COL5A1: variants seen among roughly 807,000 people sequenced by gnomAD.
COL5A1 encodes the protein collagen alpha-1(V) chain.
COL5A1 carries 16 observed loss-of-function variants against 263.7 expected under a neutral mutation model. The ratio of observed to expected loss-of-function variants is 0.06; its 90% CI spans 0.04 to 0.09. The LOEUF is 0.09. Among genes scored for constraint, COL5A1 ranks in the 10% least tolerant of loss-of-function variants. The probability of loss-of-function intolerance (pLI) is 1.00; values close to 1 mark genes in which losing one functional copy is unlikely to be tolerated. For synonymous variants in COL5A1, 1,012 were observed against 1,004.5 expected, an observed-to-expected ratio of 1.01 and a Z score of -0.14; for missense variants, 2,036 against 2,540.5, an observed-to-expected ratio of 0.80 and a Z score of 4.27.
At chr9:134,791,409 A>G (rs1303472909) in intron 32 of COL5A1, among the ~76,000 whole-genome samples, 1 of 152,180 alleles carries the variant, frequency 6.6e-6, no homozygotes, top group African/African-American at 2.4e-5. Flanking sequence ...CAGGACACTG[A>G]GCACAGCCTT....
chr9:134,724,922 C>T (rs1189300392), intron 4 of COL5A1, among the ~76,000 whole-genome samples: 2 of 152,060 alleles, frequency 1.3e-5, no homozygotes, highest in Admixed American at 6.6e-5. Context: ...TCGGATGAAC[C>T]GTGGAGAACT....
intron 60 of COL5A1, 55 bp downstream of exon 60, chr9:134,823,088 G>T (rs1452128107): frequency 6.3e-7 from 1 of 1,590,008 alleles, no homozygotes; most frequent in Non-Finnish European, 8.6e-7. Context: ...GGAGGGCGAC[G>T]GGTCCCCTGG....
At chr9:134,756,215 G>A (rs1294302247) in intron 16 of COL5A1, among the ~76,000 whole-genome samples, 3 of 152,294 alleles carry the variant, frequency 2.0e-5, no homozygotes, top group East Asian at 1.9e-4. Context: ...CAGGAACAGG[G>A]CATCTGCTCA....
intron 32 of COL5A1, among the ~76,000 whole-genome samples, chr9:134,792,892 C>T (rs561297028): frequency 6.0e-4 from 18 of 30,028 alleles, no homozygotes; most frequent in African/African-American, 1.2e-3. Flanking sequence ...CGTGTGTGTG[C>T]GCGCGTGTGT....
intron 34 of COL5A1, 84 bp from the exon 35 acceptor site, chr9:134,796,290 C>T (rs781701061): frequency 3.0e-5 from 44 of 1,456,110 alleles, no homozygotes; most frequent in African/African-American, 4.2e-5. Context: ...TTGACTCAGA[C>T]GTTTTGATGA....
At chr9:134,836,412 A>C (rs1383241867) in intron 65 of COL5A1, among the ~76,000 whole-genome samples, 1 of 152,138 alleles carries the variant, frequency 6.6e-6, no homozygotes, top group Non-Finnish European at 1.5e-5. Flanking sequence ...GACGCCTCCC[A>C]CCAGGCCCAC....
intron 18 of COL5A1, among the ~76,000 whole-genome samples, chr9:134,759,765 G>C (rs1422894602): frequency 6.2e-4 from 23 of 36,880 alleles, no homozygotes; most frequent in African/African-American, 3.5e-3. Context: ...ACACACCCAC[G>C]CACCCCCACA....
At chr9:134,734,744 C>A (rs1054052973) in intron 9 of COL5A1, among the ~76,000 whole-genome samples, 2 of 152,220 alleles carry the variant, frequency 1.3e-5, no homozygotes, top group African/African-American at 4.8e-5. Flanking sequence ...AGCCCCCAGA[C>A]TCAGTGGCTG....
chr9:134,772,709 G>T, intron 25 of COL5A1, 81 bp from the exon 26 acceptor site: 2 of 1,389,470 alleles, frequency 1.4e-6, no homozygotes, highest in Non-Finnish European at 2.1e-6. Context: ...CATGATCATG[G>T]ATGCTACGCA....
At chr9:134,655,185 G>C (rs1831915538) in intron 1 of COL5A1, among the ~76,000 whole-genome samples, 1 of 151,704 alleles carries the variant, frequency 6.6e-6, no homozygotes, top group Non-Finnish European at 1.5e-5. Context: ...GGGGTTTGTA[G>C]GGCTGGGGTT....
rs114582516 is a variant in COL5A1 at position 134,651,927 on chromosome 9, C to G, written c.109+9631C>G. Among the ~76,000 whole-genome samples, 4 of 152,292 alleles carry G rather than the reference C, an allele frequency of 2.6e-5. No homozygotes were observed. In the South Asian group the frequency reaches 8.3e-4, roughly 32 times the overall value. On this transcript the variant is annotated intron_variant, in intron 1 of 65. Coordinates refer to ENST00000371817, the MANE Select transcript of COL5A1 (RefSeq NM_000093.5). Reference sequence around the variant, plus strand: ...CTTCCTGTGCTATTTCTCTGCTCTTCCCCTGGGGAAAGGAGAGTGAGGAGA... The same window carrying G: ...CTTCCTGTGCTATTTCTCTGCTCTTGCCCTGGGGAAAGGAGAGTGAGGAGA...
rs762810181 is a variant in COL5A1, at chr9:134,802,963, C to T, written c.3082C>T (p.Leu1028Phe). Residue 1028 changes from leucine to phenylalanine, a missense_variant, in exon 39 of 66, where the codon CTT (leucine) becomes TTT (phenylalanine). Physicochemically the swap from Leu to Phe is conservative, Grantham distance 22. Transcript: ENST00000371817. ...CCCTGGACCCCCCGGTGAACAGGGG[C>T]TTCCGGGCCTTGCTGGAAAAGAAGG... Reference protein sequence around the residue: ...GPPGPPGEQGLPGLAGKEGTK... With the variant: ...GPPGPPGEQGFPGLAGKEGTK... 3.1e-6 allele frequency: 5 copies of T among 1,608,942 alleles called. No individual in the cohort carries two copies. The highest frequency in any genetic ancestry group is 2.5e-6 in the Non-Finnish European group (3 of 1,178,294).
In COL5A1 at chr9:134,825,827, A is replaced by G. The variant is rs1588599794; in HGVS notation, c.4990A>G (p.Arg1664Gly). 3.7e-6 allele frequency: 6 copies of G among 1,613,056 alleles called. No homozygotes were observed. Among genetic ancestry groups the G allele is most frequent in the Non-Finnish European group, 5.1e-6 (6 of 1,179,296 alleles). ...GGTCGATCCTAACCAAGGATGCTCCAGGGATTCCTTCAAGGTTTACTGCAA... is the reference window on the plus strand; with the variant it reads ...GGTCGATCCTAACCAAGGATGCTCCGGGGATTCCTTCAAGGTTTACTGCAA... ...YWVDPNQGCS[R>G]DSFKVYCNFT... Residue 1664 changes from arginine (R) to glycine (G), a missense_variant, in exon 63 of 66, where the codon AGG (arginine) becomes GGG (glycine). By Grantham distance (125) the Arg-to-Gly change is moderately radical. Around this residue, in one of 3 missense-constraint regions of COL5A1, gnomAD observed 358 missense variants for 384.6 expected, o/e 0.93. Coordinates refer to ENST00000371817, the MANE Select transcript of COL5A1 (RefSeq NM_000093.5).
At chr9:134,832,096 C>G (rs1438501792) in intron 64 of COL5A1, among the ~76,000 whole-genome samples, 2 of 152,192 alleles carry the variant, frequency 1.3e-5, no homozygotes, top group Middle Eastern at 3.4e-3. Context: ...AAGACTCCAT[C>G]TCTATTAAAA....
intron 11 of COL5A1, among the ~76,000 whole-genome samples, chr9:134,740,266 C>T (rs1219880180): frequency 6.6e-6 from 1 of 152,120 alleles, no homozygotes; most frequent in South Asian, 2.1e-4. Flanking sequence ...CGAGTGGCCG[C>T]TGCTCTTACC....
At chr9:134,750,418 C>T (rs967649367) in intron 11 of COL5A1, 124 bp from the exon 12 acceptor site, 5 of 859,792 alleles carry the variant, frequency 5.8e-6, no homozygotes, top group African/African-American at 1.7e-5. Flanking sequence ...CGGGGTCTCA[C>T]AGCTTCTGTG....
chr9:134,825,783 G>T lies in COL5A1; in HGVS notation c.4955-9G>T. On this transcript the variant is annotated splice_polypyrimidine_tract_variant and intron_variant, in intron 62 of 65. Coordinates refer to ENST00000371817, the MANE Select transcript of COL5A1 (RefSeq NM_000093.5). The stretch of plus-strand genomic sequence containing the variant: ...TCTGCCTGCCTCCCTCCCCGTCTCT[G>T]AAATCCAGGTGAATACTGGGTCGAT... 1 of 1,598,314 alleles carries T rather than the reference G, an allele frequency of 6.3e-7. No homozygotes were observed. Among genetic ancestry groups the T allele is most frequent in the South Asian group, 1.1e-5 (1 of 90,572 alleles).
intron 64 of COL5A1, among the ~76,000 whole-genome samples, chr9:134,834,045 G>A (rs1364084343): frequency 6.6e-6 from 1 of 152,178 alleles, no homozygotes; most frequent in Non-Finnish European, 1.5e-5. Context: ...GTCCCAGGCC[G>A]AGGGAGGAGC....
At chr9:134,815,497 G>A in intron 50 of COL5A1, 79 bp from the exon 51 acceptor site, 2 of 1,428,078 alleles carry the variant, frequency 1.4e-6, no homozygotes, top group African/African-American at 1.4e-5. Flanking sequence ...GCCATCTTGA[G>A]GTGGTGACAT....
Sources: gnomAD v4.1 joint callset for allele counts (sites outside exome capture counted in the v4.1 genomes callset) on GRCh38, gnomAD v4.1.1 for gene constraint, gnomAD v4.1.1 regional missense constraint, MANE v1.5 for transcripts, NCBI Gene and HGNC (gene_info 2026-07-23, HGNC 2026-07-21) for gene names.